Variants in UBE4B observed in about 807,000 individuals in gnomAD.
UBE4B encodes ubiquitin conjugation factor E4 B.
Under a neutral mutation model 148.1 loss-of-function variants are expected in UBE4B, and 27 were observed. The ratio of observed to expected loss-of-function variants is 0.18; its 90% confidence interval spans 0.13 to 0.25. UBE4B has a LOEUF of 0.25. UBE4B is among the 10% of genes least tolerant of loss of function. The probability of loss-of-function intolerance (pLI) is 1.00; values close to 1 mark genes in which losing one functional copy is unlikely to be tolerated. For missense variants in UBE4B, 1,170 were observed against 1,662.4 expected, an observed-to-expected ratio of 0.70 and a Z score of 5.15; for synonymous variants, 596 against 619.3, an observed-to-expected ratio of 0.96 and a Z score of 0.56.
intron 2 of UBE4B, among the ~76,000 whole-genome samples, chr1:10,085,811 A>G (rs1224548709): frequency 6.6e-6 from 1 of 151,908 alleles, no homozygotes; most frequent in Non-Finnish European, 1.5e-5. Flanking sequence ...TTTCTTTGAG[A>G]CAGAGTCTCG....
intron 23 of UBE4B, chr1:10,163,268 A>G (rs908567273): frequency 6.6e-6 from 1 of 152,170 alleles, no homozygotes; most frequent in Non-Finnish European, 1.5e-5. Context: ...AAAGTCTCAC[A>G]TGCTTGCTTC....
intron 1 of UBE4B, among the ~76,000 whole-genome samples, chr1:10,037,907 G>A (rs943438082): frequency 6.6e-6 from 1 of 152,142 alleles, no homozygotes; most frequent in Non-Finnish European, 1.5e-5. Flanking sequence ...TTGCATAAGT[G>A]ATTTTTCTCT....
chr1:10,122,540 A>G (rs974515530), intron 10 of UBE4B, among the ~76,000 whole-genome samples: 14 of 152,234 alleles, frequency 9.2e-5, no homozygotes, highest in African/African-American at 3.4e-4. Context: ...AAGATGTCTC[A>G]TATCTTCCTA....
intron 2 of UBE4B, among the ~76,000 whole-genome samples, chr1:10,092,654 C>T (rs1644867595): frequency 6.6e-6 from 1 of 151,846 alleles, no homozygotes; most frequent in Non-Finnish European, 1.5e-5. Context: ...ATGGTTAAAC[C>T]CCATCTCTAC....
At chr1:10,086,434 G>A (rs984681625) in intron 2 of UBE4B, among the ~76,000 whole-genome samples, 1 of 152,164 alleles carries the variant, frequency 6.6e-6, no homozygotes, top group African/African-American at 2.4e-5. Flanking sequence ...AGGGGTTGCA[G>A]GGGAGAGGAA....
intron 1 of UBE4B, among the ~76,000 whole-genome samples, chr1:10,054,936 C>T (rs1007908912): frequency 1.3e-5 from 2 of 151,958 alleles, no homozygotes; most frequent in African/African-American, 4.8e-5. Context: ...CAGGCATGCA[C>T]CACCATGCCC....
intron 1 of UBE4B, among the ~76,000 whole-genome samples, chr1:10,034,791 T>C (rs927820628): frequency 3.3e-5 from 5 of 152,216 alleles, no homozygotes; most frequent in Admixed American, 6.5e-5. Context: ...AGTGGTGTGT[T>C]AAGGGTCAGG....
chr1:10,101,793 C>T (rs998092492), intron 4 of UBE4B, among the ~76,000 whole-genome samples: 10 of 152,136 alleles, frequency 6.6e-5, no homozygotes, highest in Admixed American at 3.9e-4. Context: ...AGGCGTGAGC[C>T]ACTGCGCCTG....
intron 1 of UBE4B, among the ~76,000 whole-genome samples, chr1:10,035,233 G>A (rs1306094856): frequency 6.6e-6 from 1 of 151,452 alleles, no homozygotes; most frequent in East Asian, 1.9e-4. Flanking sequence ...TCTTGACCTC[G>A]TGATGCACCC....
At chr1:10,110,897 G>A (rs1029089462) in intron 7 of UBE4B, among the ~76,000 whole-genome samples, 3 of 151,998 alleles carry the variant, frequency 2.0e-5, no homozygotes, top group South Asian at 2.1e-4. Context: ...TTTGGAGGCC[G>A]AGGTGGGAGG....
At chr1:10,057,370 G>A (rs779821218) in intron 1 of UBE4B, among the ~76,000 whole-genome samples, 1 of 150,944 alleles carries the variant, frequency 6.6e-6, no homozygotes, top group Non-Finnish European at 1.5e-5. Context: ...GAATTAAAGG[G>A]TCGCAACCTT....
intron 1 of UBE4B, among the ~76,000 whole-genome samples, chr1:10,057,693 G>C (rs778217487): frequency 2.1e-5 from 3 of 144,690 alleles, no homozygotes; most frequent in Non-Finnish European, 4.5e-5. Flanking sequence ...TCGTGTTACT[G>C]TACTCCAACC....
At position 10,175,504 on chromosome 1, in the gene UBE4B, A is replaced by G. The variant is rs531936067; in HGVS notation, c.3526-3140A>G. Among the ~76,000 whole-genome samples the G allele has an allele frequency of 2.8e-4, 41 of 145,862 alleles. 1 individual carries two copies. In the South Asian group the frequency reaches 5.2e-3, roughly 19 times the overall value. On this transcript the variant is annotated intron_variant, in intron 25 of 27. Coordinates refer to ENST00000343090, the MANE Select transcript of UBE4B (RefSeq NM_001105562.3). ...ATCTCTACTAAAAATACAAAAAATT[A>G]GCCAGGCGTGGTGGCGGGCGCCCGT...
intron 17 of UBE4B, among the ~76,000 whole-genome samples, chr1:10,142,305 C>T (rs1645795624): frequency 6.6e-6 from 1 of 152,168 alleles, no homozygotes; most frequent in African/African-American, 2.4e-5. Flanking sequence ...ATCTTAGTTT[C>T]CTATGACTGC....
chr1:10,093,330 G>A (rs971687522), intron 2 of UBE4B, among the ~76,000 whole-genome samples: 3 of 152,118 alleles, frequency 2.0e-5, no homozygotes, highest in African/African-American at 7.2e-5. Context: ...ATTTTTTCAG[G>A]GCTTACTTTG....
intron 25 of UBE4B, among the ~76,000 whole-genome samples, chr1:10,172,526 C>T (rs72864132): frequency 0.068 from 10,340 of 152,192 alleles, 596 homozygotes; most frequent in African/African-American, 0.16. Flanking sequence ...TCTCTGCTGT[C>T]CACTTAAAAT....
At position 10,151,251 on chromosome 1, in the gene UBE4B, A is replaced by G. The variant is rs971116047; in HGVS notation, c.2691-75A>G. On this transcript the variant is annotated intron_variant, in intron 20 of 27. Coordinates refer to ENST00000343090, the MANE Select transcript of UBE4B (RefSeq NM_001105562.3). ...TGCCTTCCCCTCCTCACTTACTGAC[A>G]CCAGCCTTCACCCAAGATGAGTTTC... 2.1e-6 allele frequency: 3 copies of G among 1,400,500 alleles called. No individual in the cohort carries two copies. In the African/African-American group the frequency reaches 4.3e-5, roughly 20 times the overall value. The allele number at this position is 1,400,500 out of a possible 1,614,324, so 86.8% of individuals were successfully genotyped here.
rs774747080 is a variant in UBE4B at position 10,072,132 on chromosome 1, G to A, written c.129G>A (p.Ala43=). 2.1e-5 allele frequency: 34 copies of A among 1,613,572 alleles called. No homozygotes were observed. The highest frequency in any genetic ancestry group is 4.5e-5 in the East Asian group (2 of 44,826). Residue 43 remains alanine, a synonymous_variant, in exon 2 of 28, where the codon GCG becomes GCA. Coordinates refer to ENST00000343090, the MANE Select transcript of UBE4B (RefSeq NM_001105562.3). ...QRENPPGPPI[A]ASAPGPSQSL... Reference sequence around the variant, plus strand: ...AGAACCCTCCGGGGCCTCCCATAGCGGCATCAGCCCCAGGACCCTCTCAGA... The same window carrying A: ...AGAACCCTCCGGGGCCTCCCATAGCAGCATCAGCCCCAGGACCCTCTCAGA...
At chr1:10,162,414 C>G (rs553876296) in intron 23 of UBE4B, among the ~76,000 whole-genome samples, 1 of 152,128 alleles carries the variant, frequency 6.6e-6, no homozygotes, top group South Asian at 2.1e-4. Flanking sequence ...ACCTTGTGAT[C>G]CGCCTTCCTC....
Sources: gnomAD v4.1 joint callset for allele counts (sites outside exome capture counted in the v4.1 genomes callset) on GRCh38, gnomAD v4.1.1 for gene constraint, MANE v1.5 for transcripts, NCBI Gene and HGNC (gene_info 2026-07-23, HGNC 2026-07-21) for gene names.